Variants in ERBB4 observed in about 807,000 individuals in gnomAD.
ERBB4 encodes the protein receptor tyrosine-protein kinase erbB-4.
In ERBB4, 42 loss-of-function variants were observed where a neutral mutation model predicts 158.0. The ratio of observed to expected loss-of-function variants is 0.27; its 90% CI spans 0.21 to 0.34. The LOEUF (loss-of-function observed/expected upper bound fraction) is 0.34. ERBB4 is among the 10% of genes least tolerant of loss of function. The pLI, the probability that ERBB4 is intolerant of heterozygous loss-of-function variation, is 1.00. For synonymous variants in ERBB4, 583 were observed against 558.7 expected, an observed-to-expected ratio of 1.04 and a Z score of -0.61; for missense variants, 1,333 against 1,624.1, an observed-to-expected ratio of 0.82 and a Z score of 3.08.
chr2:211,884,998 C>G (rs1056915569), intron 3 of ERBB4, among the ~76,000 whole-genome samples: 3 of 152,140 alleles, frequency 2.0e-5, no homozygotes, highest in African/African-American at 4.8e-5. Flanking sequence ...TTCTACTTTA[C>G]AAATATCATT....
intron 7 of ERBB4, among the ~76,000 whole-genome samples, chr2:211,714,465 G>A (rs1248089130): frequency 6.6e-6 from 1 of 152,164 alleles, no homozygotes; most frequent in African/African-American, 2.4e-5. Context: ...GGCATATGAT[G>A]TATATCTAGG....
At chr2:211,910,219 C>T (rs1445750343) in intron 3 of ERBB4, among the ~76,000 whole-genome samples, 2 of 151,410 alleles carry the variant, frequency 1.3e-5, no homozygotes, top group African/African-American at 4.8e-5. Flanking sequence ...GCCTGGCCAA[C>T]TTTAATAAAT....
At chr2:211,905,506 A>G (rs953839366) in intron 3 of ERBB4, among the ~76,000 whole-genome samples, 25 of 151,560 alleles carry the variant, frequency 1.6e-4, no homozygotes, top group Non-Finnish European at 8.8e-5. Context: ...TATTTTGACT[A>G]CCATCTACCT....
intron 20 of ERBB4, among the ~76,000 whole-genome samples, chr2:211,532,782 T>C (rs75598908): frequency 0.086 from 13,061 of 151,848 alleles, 1,900 homozygotes; most frequent in African/African-American, 0.3. Context: ...TGTTTAATCT[T>C]GCATTTTAAA....
chr2:211,900,481 A>G (rs553276642), intron 3 of ERBB4, among the ~76,000 whole-genome samples: 2 of 151,584 alleles, frequency 1.3e-5, no homozygotes, highest in African/African-American at 4.8e-5. Flanking sequence ...ACAAACCTAG[A>G]AAAAAAAAGG....
At chr2:211,428,515 A>G in intron 21 of ERBB4, 32 bp from the exon 22 acceptor site, 2 of 1,192,598 alleles carry the variant, frequency 1.7e-6, no homozygotes, top group South Asian at 1.2e-5. Context: ...AAGTTTTAAA[A>G]TTACATTAAA....
intron 2 of ERBB4, among the ~76,000 whole-genome samples, chr2:212,055,706 C>T (rs757042972): frequency 6.6e-6 from 1 of 152,246 alleles, no homozygotes; most frequent in Non-Finnish European, 1.5e-5. Flanking sequence ...AAAAGACCTG[C>T]AGCTGAGGGT....
rs768289370 is a variant in ERBB4 at position 211,413,305 on chromosome 2, T to TAAAAAAAAAAAA, written c.3135+7135_3135+7136insTTTTTTTTTTTT. On this transcript the variant is annotated intron_variant, in intron 25 of 27. Transcript: ENST00000342788. The stretch of plus-strand genomic sequence containing the variant: ...TTGGGGACAGAGAGAGACCCTGTCT[T>TAAAAAAAAAAAA]AAAAACACACACACACACACACACA... Among the ~76,000 whole-genome samples the TAAAAAAAAAAAA allele has an allele frequency of 3.7e-3, 210 of 56,896 alleles. 7 individuals carry two copies. Among genetic ancestry groups the TAAAAAAAAAAAA allele is most frequent in the African/African-American group, 0.013 (174 of 13,452 alleles). The allele number at this position is 56,896 out of a possible 152,430, so 37.3% of individuals were successfully genotyped here.
chr2:211,835,773 G>A (rs1468297278), intron 3 of ERBB4, among the ~76,000 whole-genome samples: 1 of 151,958 alleles, frequency 6.6e-6, no homozygotes, highest in East Asian at 1.9e-4. Flanking sequence ...ATTCAGTACC[G>A]TGAAGTAGGT....
intron 1 of ERBB4, among the ~76,000 whole-genome samples, chr2:212,468,551 T>C (rs1688958591): frequency 6.6e-6 from 1 of 152,268 alleles, no homozygotes; most frequent in East Asian, 1.9e-4. Context: ...TTGTGAGGCC[T>C]CCCCAGCCAT....
intron 1 of ERBB4, among the ~76,000 whole-genome samples, chr2:212,476,780 A>G (rs531208998): frequency 6.6e-6 from 1 of 152,270 alleles, no homozygotes; most frequent in South Asian, 2.1e-4. Context: ...ATTTTCCTAT[A>G]TCAAACTGGG....
chr2:211,584,536 T>G (rs935483743), intron 19 of ERBB4, among the ~76,000 whole-genome samples: 2 of 151,948 alleles, frequency 1.3e-5, no homozygotes, highest in Non-Finnish European at 2.9e-5. Flanking sequence ...GTGAAAAGAG[T>G]GTGATATATT....
chr2:212,380,870 T>C (rs2090481199), intron 1 of ERBB4, among the ~76,000 whole-genome samples: 1 of 151,164 alleles, frequency 6.6e-6, no homozygotes, highest in African/African-American at 2.4e-5. Flanking sequence ...TCAAATAATA[T>C]TTTCAAAGTT....
intron 19 of ERBB4, among the ~76,000 whole-genome samples, chr2:211,579,337 T>C (rs1463647152): frequency 6.6e-6 from 1 of 152,176 alleles, no homozygotes; most frequent in African/African-American, 2.4e-5. Flanking sequence ...GGAACACTTT[T>C]ACACTGTTGG....
intron 1 of ERBB4, among the ~76,000 whole-genome samples, chr2:212,381,671 G>A (rs2090508592): frequency 6.6e-6 from 1 of 150,900 alleles, no homozygotes; most frequent in African/African-American, 2.4e-5. Context: ...ATTATGACCA[G>A]AAAAAAATCA....
intron 1 of ERBB4, among the ~76,000 whole-genome samples, chr2:212,186,241 C>T (rs547560120): frequency 6.6e-6 from 1 of 152,266 alleles, no homozygotes; most frequent in East Asian, 1.9e-4. Flanking sequence ...AAACATATGG[C>T]TAACTACCTT....
intron 3 of ERBB4, among the ~76,000 whole-genome samples, chr2:211,905,940 G>A (rs1047056400): frequency 2.6e-5 from 4 of 151,334 alleles, no homozygotes; most frequent in Admixed American, 6.6e-5. Context: ...CTTGAGATGC[G>A]GCCAGGAGGC....
chr2:211,646,161 A>G (rs1332157524), intron 16 of ERBB4, among the ~76,000 whole-genome samples: 1 of 151,574 alleles, frequency 6.6e-6, no homozygotes, highest in Non-Finnish European at 1.5e-5. Context: ...AAAAACCCTT[A>G]TTATCGTATA....
At chr2:212,003,242 AAGGAAGGAAGGAAG>A (rs777935815) in intron 2 of ERBB4, among the ~76,000 whole-genome samples, 4,130 of 144,516 alleles carry the variant, frequency 0.029, 332 homozygotes, top group African/African-American at 0.033. Context: ...GGAAGGAAGG[AAGGAAGGAAGGAAG>A]GAAAGAGAGA....
Sources: gnomAD v4.1 joint callset for allele counts (sites outside exome capture counted in the v4.1 genomes callset) on GRCh38, gnomAD v4.1.1 for gene constraint, MANE v1.5 for transcripts, NCBI Gene and HGNC (gene_info 2026-07-23, HGNC 2026-07-21) for gene names.